Variants in L1TD1 observed in about 807,000 individuals in gnomAD.
The protein encoded by L1TD1 is LINE1 type transposase domain containing 1.
In L1TD1, 26 loss-of-function variants were observed where a neutral mutation model predicts 25.7. The ratio of observed to expected loss-of-function variants is 1.01; its 90% CI spans 0.74 to 1.40. The LOEUF (loss-of-function observed/expected upper bound fraction) is 1.40. Among genes scored for constraint, L1TD1 ranks in the 40% most tolerant of loss-of-function variants. The pLI is 0.00. For missense variants in L1TD1, 1,130 were observed against 975.0 expected (o/e 1.16, Z -2.12); for synonymous variants, 421 against 335.6 (o/e 1.25, Z -2.78).
intron 2 of L1TD1, among the ~76,000 whole-genome samples, chr1:62,199,877 A>T (rs1002098045): frequency 1.3e-5 from 2 of 152,158 alleles, no homozygotes; most frequent in Non-Finnish European, 1.5e-5. Context: ...CACTGGCTGT[A>T]ATCAGGGTGT....
chr1:62,212,167 C>G lies in L1TD1; in HGVS notation c.*795C>G, dbSNP rs1439891446. ...CCTGTAATCCCAGCAGTTTAGGGGGCCAAGGCAGGTGGGTCACTTGAGCCC... is the reference window on the plus strand; with the variant it reads ...CCTGTAATCCCAGCAGTTTAGGGGGGCAAGGCAGGTGGGTCACTTGAGCCC... On this transcript the variant is annotated 3_prime_UTR_variant, in exon 4 of 4. Coordinates refer to ENST00000498273, the MANE Select transcript of L1TD1 (RefSeq NM_019079.5). The G allele has an allele frequency of 6.6e-6, 1 of 152,026 alleles. No individual in the cohort carries two copies. Among genetic ancestry groups the G allele is most frequent in the Non-Finnish European group, 1.5e-5 (1 of 68,024 alleles). 9.4% of individuals were successfully genotyped at this position (152,026 alleles called of 1,614,324 possible).
Position 62,211,203 on chromosome 1 carries a change from T to G in L1TD1, c.2429T>G (p.Val810Gly). The change falls in exon 4 of 4, where the codon GTC (valine) becomes GGC (glycine). Residue 810 changes from valine to glycine, a missense_variant. Coordinates refer to ENST00000498273, the MANE Select transcript of L1TD1 (RefSeq NM_019079.5). ...GATGCTAGAAGTAAATGGAGCAATG[T>G]CTTCAAAGTTCTGCTGGAAAAAGGC... ...TLDARSKWSN[V>G]FKVLLEKGFN... 1 of 1,553,552 alleles carries G rather than the reference T, an allele frequency of 6.4e-7. No homozygotes were observed. Among genetic ancestry groups the G allele is most frequent in the Non-Finnish European group, 8.7e-7 (1 of 1,147,884 alleles).
At chr1:62,200,939 T>A (rs966440419) in intron 2 of L1TD1, among the ~76,000 whole-genome samples, 2 of 151,788 alleles carry the variant, frequency 1.3e-5, no homozygotes, top group Admixed American at 6.6e-5. Context: ...TATTTTTACT[T>A]TTTTTTTGAG....
At chr1:62,198,629 G>A (rs1670588240) in intron 2 of L1TD1, among the ~76,000 whole-genome samples, 1 of 151,918 alleles carries the variant, frequency 6.6e-6, no homozygotes. Context: ...GCAGTCACAA[G>A]CCAAGGCAAT....
Position 62,211,173 on chromosome 1 carries a change from C to A in L1TD1, c.2399C>A (p.Thr800Lys), listed in dbSNP as rs1168824928. 1 of 1,551,386 alleles carries A rather than the reference C, an allele frequency of 6.4e-7. No homozygotes were observed. Among genetic ancestry groups the A allele is most frequent in the East Asian group, 2.4e-5 (1 of 40,910 alleles). The change falls in exon 4 of 4, where the codon ACA becomes AAA. Residue 800 changes from threonine (T) to lysine (K), a missense_variant. By Grantham distance (78) the Thr-to-Lys change is moderately conservative (BLOSUM62 -1). Transcript: ENST00000498273. Reference sequence around the variant, plus strand: ...TTGACAGCAGACTTATCACTGGACACACTGGATGCTAGAAGTAAATGGAGC... The same window carrying A: ...TTGACAGCAGACTTATCACTGGACAAACTGGATGCTAGAAGTAAATGGAGC... Reference protein sequence around the residue: ...IRLTADLSLDTLDARSKWSNV... With the variant: ...IRLTADLSLDKLDARSKWSNV...
In L1TD1 at chr1:62,207,057, T is replaced by A. The variant is rs375975596; in HGVS notation, c.429T>A (p.Ser143Arg). The A allele has an allele frequency of 6.2e-6, 10 of 1,613,750 alleles. No individual in the cohort carries two copies. The highest frequency in any genetic ancestry group is 8.5e-6 in the Non-Finnish European group (10 of 1,179,950). Reference sequence around the variant, plus strand: ...TTAAATTAGAAGTAAATGAGCTGAGTGGTAAATTAGACAACACTAACGAAT... The same window carrying A: ...TTAAATTAGAAGTAAATGAGCTGAGAGGTAAATTAGACAACACTAACGAAT... ...LTFKLEVNEL[S>R]GKLDNTNEYN... is the part of the protein sequence containing the mutation. Residue 143 changes from serine to arginine, a missense_variant, in exon 3 of 4, where the codon AGT (serine) becomes AGA (arginine). Transcript: ENST00000498273.
In L1TD1 at chr1:62,206,916, C is replaced by T; in HGVS notation, c.288C>T (p.Ser96=). The change falls in exon 3 of 4, where the codon TCC becomes TCT. Residue 96 remains serine, a synonymous_variant. Coordinates refer to ENST00000498273, the MANE Select transcript of L1TD1 (RefSeq NM_019079.5). ...CTGAGGTAAAGAATTCAGAGAACTC[C>T]AGTAGTAGGACAGAGTTTCAGCAAA... The part of the protein sequence containing the change: ...TIPEVKNSEN[S]SSRTEFQQII... 1 of 1,613,688 alleles carries T rather than the reference C, an allele frequency of 6.2e-7. No homozygotes were observed. The highest frequency in any genetic ancestry group is 1.7e-4 in the Middle Eastern group (1 of 6,060).
intron 2 of L1TD1, among the ~76,000 whole-genome samples, chr1:62,205,346 AC>A (rs1482263334): frequency 1.3e-5 from 2 of 149,050 alleles, no homozygotes; most frequent in Admixed American, 6.7e-5. Flanking sequence ...AAAGAAAAAA[AC>A]AAAATAAAAC....
intron 2 of L1TD1, among the ~76,000 whole-genome samples, chr1:62,205,435 A>ATTTTTTTT (rs1220640977): frequency 3.3e-4 from 12 of 36,040 alleles, no homozygotes; most frequent in Admixed American, 6.3e-4. Context: ...ATATATATAT[A>ATTTTTTTT]TATATATATT....
intron 2 of L1TD1, among the ~76,000 whole-genome samples, chr1:62,197,397 T>TTATATATATATATA (rs10528649): frequency 0.016 from 1,242 of 79,792 alleles, 35 homozygotes; most frequent in South Asian, 0.025. Context: ...AAAAAATAAA[T>TTATATATATATATA]TATATATATA....
chr1:62,206,695 A>C lies in L1TD1; in HGVS notation c.67A>C (p.Thr23Pro), dbSNP rs578088885. The C allele has an allele frequency of 6.5e-7, 1 of 1,549,416 alleles. No homozygotes were observed. The highest frequency in any genetic ancestry group is 1.2e-5 in the South Asian group (1 of 83,838). ...ARLAKKKENI[T>P]YMKREQLTET... ...ACTTGCAAAGAAAAAGGAAAATATC[A>C]CCTATATGAAAAGAGAGCAGTTAAC... The change falls in exon 3 of 4, where the codon ACC becomes CCC. Residue 23 changes from threonine to proline, a missense_variant. Thr to Pro is a conservative substitution (Grantham distance 38). Coordinates refer to ENST00000498273, the MANE Select transcript of L1TD1 (RefSeq NM_019079.5).
At chr1:62,200,161 A>G (rs1670614529) in intron 2 of L1TD1, among the ~76,000 whole-genome samples, 1 of 152,132 alleles carries the variant, frequency 6.6e-6, no homozygotes, top group African/African-American at 2.4e-5. Context: ...GTGTATATAT[A>G]TATAACAATG....
At chr1:62,198,222 C>G (rs4537596) in intron 2 of L1TD1, among the ~76,000 whole-genome samples, 3,747 of 152,054 alleles carry the variant, frequency 0.025, 157 homozygotes, top group African/African-American at 0.086. Context: ...AATACCAGCT[C>G]CTCAGGAGAC....
rs1392018704 is a variant in L1TD1, at chr1:62,206,884, A to G, written c.256A>G (p.Thr86Ala). 6.2e-7 allele frequency: 1 copy of G among 1,613,746 alleles called. No individual in the cohort carries two copies. The highest frequency in any genetic ancestry group is 1.7e-5 in the Admixed American group (1 of 59,958). ...DLKAVLGGKA[T>A]IPEVKNSENS... ...AAAAGCAGTTTTAGGGGGAAAAGCT[A>G]CAATACCTGAGGTAAAGAATTCAGA... Residue 86 changes from threonine to alanine, a missense_variant, in exon 3 of 4, where the codon ACA (threonine) becomes GCA (alanine). Thr to Ala is a moderately conservative substitution (Grantham distance 58). Coordinates refer to ENST00000498273, the MANE Select transcript of L1TD1 (RefSeq NM_019079.5).
Position 62,197,397 on chromosome 1 carries a change from TTATATATATATATATATATATA to T in L1TD1, c.-111+884_-111+905del, listed in dbSNP as rs10528649. ...GAGACGCCCTCTCAAAAAAAATAAA[TTATATATATATATATATATATA>T]TATATATATATATAGTTTAGTCCTG... is the stretch of plus-strand genomic sequence containing the variant. On this transcript the variant is annotated intron_variant, in intron 2 of 3. Transcript: ENST00000498273. 3.1e-4 allele frequency among the ~76,000 whole-genome samples: 25 copies of T among 80,844 alleles called. No homozygotes were observed. The South Asian group carries it at 7.6e-3, about 25-fold the overall frequency. The allele number at this position is 80,844 out of a possible 152,430, so 53.0% of individuals were successfully genotyped here. A position where few individuals can be genotyped will look rare whatever the true frequency, so the allele number is the denominator to read the frequency against.
Position 62,206,584 on chromosome 1 carries a change from C to T in L1TD1, c.-45C>T. On this transcript the variant is annotated 5_prime_UTR_variant, in exon 3 of 4. Transcript: ENST00000498273. The stretch of plus-strand genomic sequence containing the variant: ...CAGGCCTGTAAGAACAAAAATCATT[C>T]TGTAGGAATTAAAAACAGAATCCAG... 1 of 1,400,700 alleles carries T rather than the reference C, an allele frequency of 7.1e-7. No homozygotes were observed. Among genetic ancestry groups the T allele is most frequent in the Non-Finnish European group, 9.3e-7 (1 of 1,074,458 alleles). The allele number at this position is 1,400,700 out of a possible 1,614,324, so 86.8% of individuals were successfully genotyped here. A position where few individuals can be genotyped will look rare whatever the true frequency, so the allele number is the denominator to read the frequency against.
rs1227931717 is a variant in L1TD1 at position 62,203,448 on chromosome 1, G to T, written c.-110-3071G>T. 3.3e-5 allele frequency among the ~76,000 whole-genome samples: 5 copies of T among 151,772 alleles called. 1 individual carries two copies. Among genetic ancestry groups the T allele is most frequent in the Non-Finnish European group, 7.4e-5 (5 of 67,938 alleles). ...TACTCTCTTTTTTTTTTGAGACAGG[G>T]TCTCACTCTGTCGCCCGGTACAGTG... is the stretch of plus-strand genomic sequence containing the variant. On this transcript the variant is annotated intron_variant, in intron 2 of 3. Transcript: ENST00000498273.
intron 2 of L1TD1, among the ~76,000 whole-genome samples, chr1:62,205,711 G>C (rs147057164): frequency 6.6e-6 from 1 of 151,640 alleles, no homozygotes; most frequent in South Asian, 2.1e-4. Flanking sequence ...GATTACAGGC[G>C]TGAGCCACTG....
At chr1:62,202,571 T>C (rs1476502879) in intron 2 of L1TD1, among the ~76,000 whole-genome samples, 1 of 149,798 alleles carries the variant, frequency 6.7e-6, no homozygotes, top group Non-Finnish European at 1.5e-5. Context: ...TAGCTGTTCA[T>C]TTAAAATTTT....
Sources: allele counts gnomAD v4.1 joint callset (sites outside exome capture counted in the v4.1 genomes callset), GRCh38; gene constraint gnomAD v4.1.1; transcripts MANE v1.5; gene names NCBI Gene and HGNC (gene_info 2026-07-23, HGNC 2026-07-21).